TNNI3K: variants seen among roughly 807,000 people sequenced by gnomAD.
TNNI3K encodes serine/threonine-protein kinase TNNI3K.
In TNNI3K, 140 loss-of-function variants were observed where a neutral mutation model predicts 114.5. The observed-to-expected ratio is 1.22, with a 90% CI of 1.07 to 1.41. The LOEUF is 1.41. Ranked by LOEUF, TNNI3K falls within the 40% of genes most tolerant of loss-of-function variation. The pLI, the probability that TNNI3K is intolerant of heterozygous loss-of-function variation, is 0.00. For missense variants in TNNI3K, 1,125 were observed against 1,007.6 expected (o/e 1.12, Z -1.58); for synonymous variants, 347 against 347.5 (o/e 1.00, Z 0.02).
chr1:74,469,565 C>T (rs1033304913), intron 21 of TNNI3K: 17 of 182,456 alleles, frequency 9.3e-5, no homozygotes, highest in African/African-American at 5.9e-4. Context: ...TGTAGTTTTT[C>T]ATTTGTTTAA....
chr1:74,281,981 G>A (rs1481744484), intron 5 of TNNI3K, among the ~76,000 whole-genome samples: 1 of 151,962 alleles, frequency 6.6e-6, no homozygotes, highest in East Asian at 1.9e-4. Flanking sequence ...AATTATCATT[G>A]TACTCCTGGA....
chr1:74,513,674 G>C (rs1308841093), intron 23 of TNNI3K, among the ~76,000 whole-genome samples: 1 of 152,144 alleles, frequency 6.6e-6, no homozygotes, highest in Non-Finnish European at 1.5e-5. Flanking sequence ...TTTTGTTTCA[G>C]AGTTTCATGT....
At chr1:74,450,339 A>G (rs1036730831) in intron 20 of TNNI3K, among the ~76,000 whole-genome samples, 2 of 151,994 alleles carry the variant, frequency 1.3e-5, no homozygotes, top group African/African-American at 4.8e-5. Flanking sequence ...CATCACAATG[A>G]AAAGAACTAG....
intron 23 of TNNI3K, among the ~76,000 whole-genome samples, chr1:74,504,314 T>A (rs1431882787): frequency 6.6e-6 from 1 of 152,168 alleles, no homozygotes; most frequent in Non-Finnish European, 1.5e-5. Flanking sequence ...GCTGCCTTGC[T>A]CTCTAACGCC....
intron 17 of TNNI3K, among the ~76,000 whole-genome samples, chr1:74,407,709 G>C (rs1157029556): frequency 6.6e-6 from 1 of 151,994 alleles, no homozygotes; most frequent in Non-Finnish European, 1.5e-5. Flanking sequence ...GAGATACCTG[G>C]TCTCTAAACT....
chr1:74,369,871 TAAA>T (rs1039549381), intron 16 of TNNI3K: 10 of 317,184 alleles, frequency 3.2e-5, no homozygotes, highest in Middle Eastern at 8.8e-4. Context: ...GAAATACTGA[TAAA>T]GAAGATATAT....
intron 21 of TNNI3K, among the ~76,000 whole-genome samples, chr1:74,486,880 A>C (rs1668794920): frequency 6.6e-6 from 1 of 152,206 alleles, no homozygotes; most frequent in East Asian, 1.9e-4. Context: ...ATTGTTGCTT[A>C]TATTTAATGC....
intron 23 of TNNI3K, among the ~76,000 whole-genome samples, chr1:74,539,492 A>C (rs1395673704): frequency 6.6e-6 from 1 of 152,186 alleles, no homozygotes; most frequent in South Asian, 2.1e-4. Context: ...GTTTTGAGTC[A>C]GATGAACTGG....
At chr1:74,524,362 C>A (rs1646475039) in intron 23 of TNNI3K, among the ~76,000 whole-genome samples, 1 of 152,184 alleles carries the variant, frequency 6.6e-6, no homozygotes. Flanking sequence ...TAGCAAAGTG[C>A]AAGTCTTCTG....
rs1398329136 is a variant in TNNI3K at position 74,378,616 on chromosome 1, A to ATAT, written c.1772+8225_1772+8227dup. Reference sequence around the variant, plus strand: ...ATTTTATATATATATATATATATATATATATATATATATATATATATATAT... The same window carrying ATAT: ...ATTTTATATATATATATATATATATATATTATATATATATATATATATATATAT... On this transcript the variant is annotated intron_variant, in intron 17 of 24. Coordinates refer to ENST00000326637, the MANE Select transcript of TNNI3K (RefSeq NM_015978.3). The ATAT allele has an allele frequency of 5.3e-5, 4 of 75,012 alleles. No individual in the cohort carries two copies. In the South Asian group the frequency reaches 1.8e-3, roughly 33 times the overall value. The allele number at this position is 75,012 out of a possible 1,614,324, so 4.6% of individuals were successfully genotyped here.
intron 5 of TNNI3K, among the ~76,000 whole-genome samples, chr1:74,329,375 C>A (rs897868459): frequency 2.2e-4 from 34 of 152,046 alleles, no homozygotes; most frequent in African/African-American, 7.7e-4. Context: ...GCTCACTGTA[C>A]ACAATGTGTA....
Position 74,331,504 on chromosome 1 carries a change from T to C in TNNI3K, c.499T>C (p.Phe167Leu), listed in dbSNP as rs199989250. The change falls in exon 6 of 25, where the codon TTT (phenylalanine) becomes CTT (leucine). Residue 167 changes from phenylalanine (F) to leucine (L), a missense_variant. By Grantham distance (22) the Phe-to-Leu change is conservative. Transcript: ENST00000326637. Reference sequence around the variant, plus strand: ...TAATGTCAATATTCAAGATGCAGTTTTTTTCACTCCATTGCATATTGCAGC... The same window carrying C: ...TAATGTCAATATTCAAGATGCAGTTCTTTTCACTCCATTGCATATTGCAGC... ...GANVNIQDAV[F>L]FTPLHIAAYY... 2.5e-6 allele frequency: 4 copies of C among 1,613,844 alleles called. No individual in the cohort carries two copies. Among genetic ancestry groups the C allele is most frequent in the Non-Finnish European group, 3.4e-6 (4 of 1,179,876 alleles).
intron 5 of TNNI3K, among the ~76,000 whole-genome samples, chr1:74,302,601 T>C (rs1658392607): frequency 6.6e-6 from 1 of 152,216 alleles, no homozygotes; most frequent in Non-Finnish European, 1.5e-5. Context: ...TTATTGCTGA[T>C]ACGGAGGAAG....
Position 74,480,620 on chromosome 1 carries a change from A to G in TNNI3K, c.2122-8569A>G, listed in dbSNP as rs566949255. 67 of 717,260 alleles carry G rather than the reference A, an allele frequency of 9.3e-5. 1 individual carries two copies. The South Asian group carries it at 9.8e-4, about 10-fold the overall frequency. 44.4% of individuals were successfully genotyped at this position (717,260 alleles called of 1,614,324 possible). ...CGTGCCTCCGAAAGAACTGTCTGTGAGATTAGTAATCTGATTCCCATCCAG... is the reference window on the plus strand; with the variant it reads ...CGTGCCTCCGAAAGAACTGTCTGTGGGATTAGTAATCTGATTCCCATCCAG... On this transcript the variant is annotated intron_variant, in intron 21 of 24. Coordinates refer to ENST00000326637, the MANE Select transcript of TNNI3K (RefSeq NM_015978.3).
chr1:74,303,970 G>A (rs536804), intron 5 of TNNI3K, among the ~76,000 whole-genome samples: 150,973 of 152,340 alleles, frequency 0.99, 74,828 homozygotes, highest in Middle Eastern at 1. Flanking sequence ...AAGCCTGAAG[G>A]TATGATTGAA....
At chr1:74,500,899 C>G (rs1442253474) in intron 23 of TNNI3K, among the ~76,000 whole-genome samples, 1 of 151,818 alleles carries the variant, frequency 6.6e-6, no homozygotes, top group Admixed American at 6.6e-5. Flanking sequence ...TAGAAGTCTT[C>G]TTTATCTTTG....
At chr1:74,272,045 A>G (rs1280609037) in intron 5 of TNNI3K, among the ~76,000 whole-genome samples, 2 of 151,980 alleles carry the variant, frequency 1.3e-5, no homozygotes, top group African/African-American at 4.8e-5. Context: ...TAGGAATATT[A>G]GTAAGCCTAT....
intron 17 of TNNI3K, among the ~76,000 whole-genome samples, chr1:74,387,666 A>T (rs942197417): frequency 6.6e-6 from 1 of 152,242 alleles, no homozygotes; most frequent in Non-Finnish European, 1.5e-5. Flanking sequence ...GAGAACCTGT[A>T]ACCAAAATAT....
chr1:74,527,950 G>C (rs1429161244), intron 23 of TNNI3K, among the ~76,000 whole-genome samples: 3 of 152,156 alleles, frequency 2.0e-5, no homozygotes, highest in Non-Finnish European at 4.4e-5. Flanking sequence ...GAGAAGGAAA[G>C]GGTTTCCACA....
Sources: allele counts gnomAD v4.1 joint callset (sites outside exome capture counted in the v4.1 genomes callset), GRCh38; gene constraint gnomAD v4.1.1; transcripts MANE v1.5; gene names NCBI Gene and HGNC (gene_info 2026-07-23, HGNC 2026-07-21).